The following CAMK2D variants were observed in gnomAD, a reference collection of about 807,000 sequenced individuals.
The protein encoded by CAMK2D is calcium/calmodulin dependent protein kinase II delta, also known as calcium/calmodulin-dependent protein kinase type II subunit delta.
CAMK2D carries 37 observed loss-of-function variants against 84.0 expected under a neutral mutation model. The ratio of observed to expected loss-of-function variants is 0.44; its 90% CI spans 0.34 to 0.58. The LOEUF (loss-of-function observed/expected upper bound fraction) is 0.58. Among genes scored for constraint, CAMK2D ranks in the 20% least tolerant of loss-of-function variants. The probability of loss-of-function intolerance (pLI) is 0.02; values close to 1 mark genes in which losing one functional copy is unlikely to be tolerated. For synonymous variants in CAMK2D, 202 were observed against 212.5 expected (o/e 0.95, Z 0.43); for missense variants, 448 against 652.5 (o/e 0.69, Z 3.41).
chr4:113,574,223 C>T (rs1222326761), intron 4 of CAMK2D, among the ~76,000 whole-genome samples: 2 of 152,154 alleles, frequency 1.3e-5, no homozygotes, highest in East Asian at 1.9e-4. Context: ...GAGTTCAGTG[C>T]TTCACCGTGT....
At chr4:113,734,054 A>C (rs1038508211) in intron 2 of CAMK2D, among the ~76,000 whole-genome samples, 1 of 152,224 alleles carries the variant, frequency 6.6e-6, no homozygotes, top group Non-Finnish European at 1.5e-5. Context: ...CTGTAATAGA[A>C]TAAAAGAACA....
chr4:113,547,634 C>T lies in CAMK2D; in HGVS notation c.414+10G>A. ...TGTGGTGGTTTATCTTCTTCAACCG[C>T]ATTACTCACCTTCAGGTCCCGATGG... On this transcript the variant is annotated intron_variant, in intron 6 of 20. Coordinates refer to ENST00000511664, the MANE Select transcript of CAMK2D (RefSeq NM_001321571.2). 6.5e-7 allele frequency: 1 copy of T among 1,537,140 alleles called. No individual in the cohort carries two copies.
Position 113,661,704 on chromosome 4 carries a change from C to A in CAMK2D, c.220+9G>T. 1 of 1,265,902 alleles carries A rather than the reference C, an allele frequency of 7.9e-7. No individual in the cohort carries two copies. The highest frequency in any genetic ancestry group is 2.6e-5 in the East Asian group (1 of 38,830). 78.4% of individuals were successfully genotyped at this position (1,265,902 alleles called of 1,614,324 possible). The stretch of plus-strand genomic sequence containing the variant: ...TAACATTTAAAAAACATTAAAAATA[C>A]GTTCTCACCAATATTAGGGTGCTTC... On this transcript the variant is annotated intron_variant, in intron 3 of 20. Transcript: ENST00000511664.
intron 4 of CAMK2D, among the ~76,000 whole-genome samples, chr4:113,586,042 A>G (rs955139897): frequency 6.6e-6 from 1 of 151,712 alleles, no homozygotes; most frequent in Non-Finnish European, 1.5e-5. Context: ...CGGTTTTTTA[A>G]TTTGTTTTTT....
intron 4 of CAMK2D, among the ~76,000 whole-genome samples, chr4:113,580,784 G>A (rs1185653725): frequency 1.3e-5 from 2 of 152,034 alleles, no homozygotes; most frequent in Non-Finnish European, 1.5e-5. Flanking sequence ...GGCTCTGAGT[G>A]CAATGAATAC....
chr4:113,709,748 TATA>T lies in CAMK2D; in HGVS notation c.161-47979_161-47977del, dbSNP rs1453391646. Among the ~76,000 whole-genome samples, 14 of 66,040 alleles carry T rather than the reference TATA, an allele frequency of 2.1e-4. No homozygotes were observed. In the Admixed American group the frequency reaches 2.2e-3, roughly 10 times the overall value. The allele number at this position is 66,040 out of a possible 152,430, so 43.3% of individuals were successfully genotyped here. On this transcript the variant is annotated intron_variant, in intron 2 of 20. Transcript: ENST00000511664. ...GTGAAAAGCTAAAAGCCGTGAACGA[TATA>T]TATATATATATATATATATATATAT...
intron 2 of CAMK2D, among the ~76,000 whole-genome samples, chr4:113,728,820 A>G (rs2099553786): frequency 1.3e-5 from 2 of 152,166 alleles, no homozygotes; most frequent in African/African-American, 2.4e-5. Flanking sequence ...AAATGAGATA[A>G]TGGATAGGAA....
intron 3 of CAMK2D, among the ~76,000 whole-genome samples, chr4:113,628,026 T>C (rs1317466236): frequency 6.6e-6 from 1 of 152,188 alleles, no homozygotes; most frequent in Non-Finnish European, 1.5e-5. Context: ...ATTATATTTA[T>C]CTGCTCTTTA....
rs1478608599 is a variant in CAMK2D at position 113,761,214 on chromosome 4, T to G, written c.-146A>C. The G allele has an allele frequency of 7.4e-6, 11 of 1,481,608 alleles. No homozygotes were observed. The highest frequency in any genetic ancestry group is 2.7e-5 in the East Asian group (1 of 37,082). 91.8% of individuals were successfully genotyped at this position (1,481,608 alleles called of 1,614,324 possible). The stretch of plus-strand genomic sequence containing the variant: ...CGAAAGTAGCTCGCCCGCGAGGGAG[T>G]GTGCGCAGGGGCGGGGCGGGAGGGG... On this transcript the variant is annotated 5_prime_UTR_variant, in exon 1 of 21. Transcript: ENST00000511664.
intron 6 of CAMK2D, among the ~76,000 whole-genome samples, chr4:113,544,399 T>C (rs1391550570): frequency 2.0e-5 from 3 of 152,222 alleles, no homozygotes; most frequent in African/African-American, 7.2e-5. Context: ...CTTTGGTCTC[T>C]TTACAGGCTT....
intron 3 of CAMK2D, among the ~76,000 whole-genome samples, chr4:113,615,520 A>T (rs995257306): frequency 6.6e-6 from 1 of 152,096 alleles, no homozygotes; most frequent in Non-Finnish European, 1.5e-5. Flanking sequence ...TCAAACTAAC[A>T]CTTCTAGAAA....
chr4:113,490,101 A>C (rs917853705), intron 16 of CAMK2D, among the ~76,000 whole-genome samples: 194 of 149,202 alleles, frequency 1.3e-3, no homozygotes, highest in Non-Finnish European at 1.9e-3. Context: ...TTGCCTGTTC[A>C]CTCTGATGGT....
chr4:113,537,705 G>C (rs761646856), intron 6 of CAMK2D, among the ~76,000 whole-genome samples: 2 of 152,164 alleles, frequency 1.3e-5, no homozygotes, highest in Non-Finnish European at 2.9e-5. Context: ...GGGATCAAAT[G>C]AATGAGAGCA....
chr4:113,645,928 A>T (rs2099150192), intron 3 of CAMK2D, among the ~76,000 whole-genome samples: 1 of 152,210 alleles, frequency 6.6e-6, no homozygotes, highest in Admixed American at 6.5e-5. Flanking sequence ...CTGGGCCAAG[A>T]TTCCAGCCAG....
intron 8 of CAMK2D, among the ~76,000 whole-genome samples, chr4:113,524,290 A>T (rs1248074500): frequency 6.6e-6 from 1 of 152,174 alleles, no homozygotes; most frequent in Non-Finnish European, 1.5e-5. Flanking sequence ...ATGAAACACT[A>T]ATTTCCCCTT....
At chr4:113,720,604 C>T (rs532437694) in intron 2 of CAMK2D, among the ~76,000 whole-genome samples, 2 of 151,828 alleles carry the variant, frequency 1.3e-5, no homozygotes, top group Admixed American at 1.3e-4. Flanking sequence ...TCAAATTAAC[C>T]AGAAATGGGT....
intron 2 of CAMK2D, among the ~76,000 whole-genome samples, chr4:113,755,510 T>C (rs1280423685): frequency 6.6e-6 from 1 of 151,940 alleles, no homozygotes; most frequent in Non-Finnish European, 1.5e-5. Flanking sequence ...TCAGAATCTA[T>C]GTAATAGTCA....
At chr4:113,619,864 G>A (rs138035175) in intron 3 of CAMK2D, among the ~76,000 whole-genome samples, 215 of 152,252 alleles carry the variant, frequency 1.4e-3, no homozygotes, top group Non-Finnish European at 2.2e-3. Context: ...TCTGTTGACC[G>A]CTGGAGTAGA....
chr4:113,750,663 T>TA (rs2099615062), intron 2 of CAMK2D, among the ~76,000 whole-genome samples: 1 of 152,040 alleles, frequency 6.6e-6, no homozygotes, highest in Admixed American at 6.6e-5. Context: ...AATAAACGAA[T>TA]AAAAAATGTG....
Sources: gnomAD v4.1 joint callset for allele counts (sites outside exome capture counted in the v4.1 genomes callset) on GRCh38, gnomAD v4.1.1 for gene constraint, MANE v1.5 for transcripts, NCBI Gene and HGNC (gene_info 2026-07-23, HGNC 2026-07-21) for gene names.